Variants in HEATR4 observed in about 807,000 individuals in gnomAD.
HEATR4 encodes the protein HEAT repeat-containing protein 4.
Under a neutral mutation model 108.8 loss-of-function variants are expected in HEATR4, and 95 were observed. That is an observed-to-expected ratio of 0.87 (90% confidence interval 0.74 to 1.04). The LOEUF (loss-of-function observed/expected upper bound fraction) is 1.04. Among genes scored for constraint, HEATR4 ranks in the 50% least tolerant of loss-of-function variants. HEATR4 has a pLI of 0.00. For synonymous variants in HEATR4, 443 were observed against 459.4 expected (o/e 0.96, Z 0.46); for missense variants, 1,152 against 1,253.8 (o/e 0.92, Z 1.23).
the HEATR4 span, among the ~76,000 whole-genome samples, chr14:73,622,547 C>T: frequency 1.3e-5 from 2 of 151,786 alleles, no homozygotes; most frequent in African/African-American, 4.8e-5. Flanking sequence ...AGATTATAGG[C>T]GCACCACCAC....
chr14:73,583,870 C>CAT, the HEATR4 span, among the ~76,000 whole-genome samples: 15 of 151,024 alleles, frequency 9.9e-5, no homozygotes, highest in South Asian at 2.1e-4. Flanking sequence ...TGTGGTGGTG[C>CAT]GCACCTGTAG....
the HEATR4 span, among the ~76,000 whole-genome samples, chr14:73,591,534 T>G: frequency 2.0e-5 from 3 of 148,244 alleles, no homozygotes; most frequent in African/African-American, 7.3e-5. Context: ...CAGAGGAGAC[T>G]CTGTTTCAAA....
the HEATR4 span, chr14:73,593,881 T>C: frequency 6.2e-7 from 1 of 1,613,052 alleles, no homozygotes; most frequent in Non-Finnish European, 8.5e-7. Flanking sequence ...AGAAGCCGTA[T>C]GCTACATGCT....
rs746859092 is a variant in HEATR4, at chr14:73,502,878, T to G, written c.2105+17A>C. The stretch of plus-strand genomic sequence containing the variant: ...AAGAATTTAGAAGAGTGTCTCCTCA[T>G]GTTGACTGGGTCTTACCTGATTATG... On this transcript the variant is annotated intron_variant, in intron 11 of 17. Coordinates refer to ENST00000553558, the MANE Select transcript of HEATR4 (RefSeq NM_001220484.1). 1.9e-6 allele frequency: 3 copies of G among 1,582,622 alleles called. No homozygotes were observed.
chr14:73,608,477 C>T, the HEATR4 span, among the ~76,000 whole-genome samples: 9 of 152,192 alleles, frequency 5.9e-5, no homozygotes, highest in Non-Finnish European at 1.2e-4. Context: ...GCCTGGACTT[C>T]ATTGTTCATA....
the HEATR4 span, among the ~76,000 whole-genome samples, chr14:73,625,766 G>T: frequency 1.3e-5 from 2 of 152,178 alleles, no homozygotes; most frequent in Admixed American, 1.3e-4. Context: ...CTTAATAAAT[G>T]TTGTGTGTGT....
Position 73,546,653 on chromosome 14 carries a change from C to T in HEATR4, c.-152+12098G>A, listed in dbSNP as rs1410542505. Reference sequence around the variant, plus strand: ...TGCTTGGATTATAGGCATGAGCAACCGGGCCCAGCCTAGTTAGTCTTTATT... The same window carrying T: ...TGCTTGGATTATAGGCATGAGCAACTGGGCCCAGCCTAGTTAGTCTTTATT... On this transcript the variant is annotated intron_variant, in intron 1 of 17. Coordinates refer to ENST00000553558, the MANE Select transcript of HEATR4 (RefSeq NM_001220484.1). 4.3e-5 allele frequency among the ~76,000 whole-genome samples: 5 copies of T among 115,078 alleles called. 1 individual carries two copies. Among genetic ancestry groups the T allele is most frequent in the Non-Finnish European group, 5.7e-5 (3 of 52,628 alleles). The allele number at this position is 115,078 out of a possible 152,430, so 75.5% of individuals were successfully genotyped here.
At chr14:73,565,526 C>T in the HEATR4 span, among the ~76,000 whole-genome samples, 1 of 151,956 alleles carries the variant, frequency 6.6e-6, no homozygotes, top group Admixed American at 6.6e-5. Context: ...GCCGTGGACC[C>T]TCACGGGAGC....
At chr14:73,630,408 G>A in the HEATR4 span, among the ~76,000 whole-genome samples, 13 of 152,240 alleles carry the variant, frequency 8.5e-5, 1 homozygote, top group Admixed American at 3.3e-4. Context: ...CAACGTTCTC[G>A]CAACGTATTT....
At chr14:73,623,069 C>T in the HEATR4 span, among the ~76,000 whole-genome samples, 6 of 151,898 alleles carry the variant, frequency 4.0e-5, no homozygotes, top group East Asian at 5.8e-4. Context: ...CCACCATGCC[C>T]GGCTAATTTT....
At chr14:73,500,819 G>A in intron 11 of HEATR4, 89 bp from the exon 12 acceptor site, 9 of 1,227,820 alleles carry the variant, frequency 7.3e-6, no homozygotes, top group Middle Eastern at 2.1e-4. Flanking sequence ...GATAAAATCC[G>A]GGTTCTGTAG....
the HEATR4 span, chr14:73,619,882 C>T: frequency 6.7e-7 from 1 of 1,500,416 alleles, no homozygotes; most frequent in Non-Finnish European, 8.9e-7. Flanking sequence ...AAATCCTATT[C>T]ATACAACTTG....
intron 7 of HEATR4, among the ~76,000 whole-genome samples, chr14:73,511,569 TA>T (rs1342688731): frequency 1.7e-4 from 24 of 143,646 alleles, no homozygotes; most frequent in African/African-American, 5.8e-4. Context: ...ATAAATAAAA[TA>T]AAATAAAAAA....
rs542173936 is a variant in HEATR4, at chr14:73,544,380, T to C, written c.-151-14136A>G. Among the ~76,000 whole-genome samples, 11 of 115,918 alleles carry C rather than the reference T, an allele frequency of 9.5e-5. 3 individuals are homozygous for C. The highest frequency in any genetic ancestry group is 8.2e-4 in the South Asian group (3 of 3,662). The allele number at this position is 115,918 out of a possible 152,430, so 76.0% of individuals were successfully genotyped here. On this transcript the variant is annotated intron_variant, in intron 1 of 17. Coordinates refer to ENST00000553558, the MANE Select transcript of HEATR4 (RefSeq NM_001220484.1). ...TATAAAAAGTATATCAGATTTGAGT[T>C]TCTCCTTTAAGAATGGAAGTTAACA...
chr14:73,606,426 T>G, the HEATR4 span, among the ~76,000 whole-genome samples: 2 of 151,516 alleles, frequency 1.3e-5, no homozygotes, highest in Non-Finnish European at 2.9e-5. Context: ...TCGGGGAGAC[T>G]GATTTGAGTA....
the HEATR4 span, among the ~76,000 whole-genome samples, chr14:73,633,319 T>C: frequency 1.3e-3 from 193 of 152,268 alleles, no homozygotes; most frequent in African/African-American, 4.5e-3. Context: ...AGTTCCACTT[T>C]CTGAATGAAA....
intron 5 of HEATR4, among the ~76,000 whole-genome samples, chr14:73,516,948 G>T (rs1204023363): frequency 6.6e-6 from 1 of 152,166 alleles, no homozygotes; most frequent in African/African-American, 2.4e-5. Flanking sequence ...GTGCCAAAAA[G>T]GTTGAGGACT....
the HEATR4 span, among the ~76,000 whole-genome samples, chr14:73,590,866 C>T: frequency 6.6e-6 from 1 of 152,308 alleles, no homozygotes; most frequent in South Asian, 2.1e-4. Context: ...CTTGGCCAGC[C>T]CAGAAAGGGG....
Position 73,521,944 on chromosome 14 carries a change from G to C in HEATR4, c.881+328C>G, listed in dbSNP as rs117724255. Among the ~76,000 whole-genome samples, 466 of 152,332 alleles carry C rather than the reference G, an allele frequency of 3.1e-3. 17 individuals carry two copies. In the East Asian group the frequency reaches 0.061, roughly 20 times the overall value. On this transcript the variant is annotated intron_variant, in intron 3 of 17. Transcript: ENST00000553558. ...GTGGTTCCCAGCTGGGAATGACTTT[G>C]TTCCTCTTGGAGACATCTGGCAGTG...
Sources: allele counts gnomAD v4.1 joint callset (sites outside exome capture counted in the v4.1 genomes callset), GRCh38; gene constraint gnomAD v4.1.1; transcripts MANE v1.5; gene names NCBI Gene and HGNC (gene_info 2026-07-23, HGNC 2026-07-21).